Variants in POLE2 observed in about 807,000 individuals in gnomAD.
POLE2 encodes the protein DNA polymerase epsilon 2, accessory subunit.
POLE2 carries 56 observed loss-of-function variants against 79.4 expected under a neutral mutation model. That is an observed-to-expected ratio of 0.71 (90% CI 0.57 to 0.88). The LOEUF (loss-of-function observed/expected upper bound fraction) is 0.88, where lower values mean the gene tolerates loss of function less well. Ranked by LOEUF, POLE2 falls within the 40% of genes least tolerant of loss-of-function variation. The pLI is 0.00. For synonymous variants in POLE2, 212 were observed against 214.0 expected (o/e 0.99, Z 0.08); for missense variants, 598 against 638.9 (o/e 0.94, Z 0.69).
rs879834461 is a variant in POLE2 at position 49,655,564 on chromosome 14, G to GT, written c.928+106dup. 1,455 of 780,716 alleles carry GT rather than the reference G, an allele frequency of 1.9e-3. 7 individuals are homozygous for GT. Among genetic ancestry groups the GT allele is most frequent in the African/African-American group, 0.011 (606 of 54,342 alleles). 48.4% of individuals were successfully genotyped at this position (780,716 alleles called of 1,614,324 possible). ...TTTAAATTATCTCATTGCTAACTCTGTTTTTTTTTAAATAGAATACTCAAA... is the reference window on the plus strand; with the variant it reads ...TTTAAATTATCTCATTGCTAACTCTGTTTTTTTTTTAAATAGAATACTCAAA... On this transcript the variant is annotated intron_variant, in intron 11 of 18. Transcript: ENST00000216367.
At chr14:49,662,337 T>C (rs573840551) in intron 10 of POLE2, among the ~76,000 whole-genome samples, 1 of 152,354 alleles carries the variant, frequency 6.6e-6, no homozygotes, top group African/African-American at 2.4e-5. Context: ...CTCGCTCTGT[T>C]GCCAGGCTGG....
Position 49,687,010 on chromosome 14 carries a change from G to A in POLE2, c.68+1126C>T, listed in dbSNP as rs201798788. Among the ~76,000 whole-genome samples the A allele has an allele frequency of 1.4e-4, 22 of 152,166 alleles. 1 individual carries two copies. Among genetic ancestry groups the A allele is most frequent in the African/African-American group, 4.6e-4 (19 of 41,512 alleles). Reference sequence around the variant, plus strand: ...TAAAATATTGTGTTCTAGGTCAGGCGCAGTGGTTCACGCCTGTAATTCCAG... The same window carrying A: ...TAAAATATTGTGTTCTAGGTCAGGCACAGTGGTTCACGCCTGTAATTCCAG... On this transcript the variant is annotated intron_variant, in intron 1 of 18. Coordinates refer to ENST00000216367, the MANE Select transcript of POLE2 (RefSeq NM_002692.4).
chr14:49,667,664 C>T (rs1312006911), intron 6 of POLE2, among the ~76,000 whole-genome samples: 2 of 151,886 alleles, frequency 1.3e-5, no homozygotes, highest in African/African-American at 4.8e-5. Flanking sequence ...TCCACCTCAG[C>T]CCCCTGAGTC....
At position 49,655,013 on chromosome 14, in the gene POLE2, G is replaced by T; in HGVS notation, c.1010C>A (p.Ala337Asp). The T allele has an allele frequency of 6.4e-7, 1 of 1,565,104 alleles. No homozygotes were observed. Among genetic ancestry groups the T allele is most frequent in the Non-Finnish European group, 8.7e-7 (1 of 1,152,128 alleles). ...SAPYGKNQVQALKDSLKTLAD... is the reference protein window; with the variant it reads ...SAPYGKNQVQDLKDSLKTLAD... ...AAATAGATCGTTAATACCTTTCAAAGCTTGAACTTGATTTTTTCCATATGG... is the reference window on the plus strand; with the variant it reads ...AAATAGATCGTTAATACCTTTCAAATCTTGAACTTGATTTTTTCCATATGG... Residue 337 changes from alanine (A) to aspartate (D), a missense_variant, in exon 12 of 19, where the codon GCT (alanine) becomes GAT (aspartate). Ala to Asp is a moderately radical substitution (Grantham distance 126, BLOSUM62 -2). Coordinates refer to ENST00000216367, the MANE Select transcript of POLE2 (RefSeq NM_002692.4).
intron 6 of POLE2, 85 bp downstream of exon 6, chr14:49,669,439 T>C: frequency 1.3e-6 from 1 of 758,070 alleles, no homozygotes; most frequent in Non-Finnish European, 2.3e-6. Context: ...TTTATTTTCA[T>C]TTAAAATTCA....
chr14:49,673,001 TTC>T lies in POLE2; in HGVS notation c.417+1120_417+1121del, dbSNP rs1886007574. 2.0e-5 allele frequency among the ~76,000 whole-genome samples: 3 copies of T among 152,198 alleles called. No homozygotes were observed. The South Asian group carries it at 6.2e-4, about 32-fold the overall frequency. On this transcript the variant is annotated intron_variant, in intron 5 of 18. Coordinates refer to ENST00000216367, the MANE Select transcript of POLE2 (RefSeq NM_002692.4). Reference sequence around the variant, plus strand: ...GAACCTGCTATCACCTTCTACAACATTCTCTTTTTCCTGTTTAATGTATTTTT... The same window carrying T: ...GAACCTGCTATCACCTTCTACAACATTCTTTTTCCTGTTTAATGTATTTTT...
At chr14:49,663,010 T>C (rs1466556900) in intron 10 of POLE2, among the ~76,000 whole-genome samples, 2 of 152,216 alleles carry the variant, frequency 1.3e-5, no homozygotes, top group African/African-American at 4.8e-5. Flanking sequence ...TATATTCTTC[T>C]AAGTGTTATC....
intron 10 of POLE2, among the ~76,000 whole-genome samples, chr14:49,659,045 C>CTGA (rs1274879368): frequency 6.6e-6 from 1 of 152,102 alleles, no homozygotes; most frequent in African/African-American, 2.4e-5. Flanking sequence ...AACAGTGATA[C>CTGA]TGATGATTCT....
chr14:49,666,449 A>C, intron 6 of POLE2, 36 bp from the exon 7 acceptor site: 1 of 923,506 alleles, frequency 1.1e-6, no homozygotes, highest in Non-Finnish European at 1.6e-6. Flanking sequence ...AAGACTGTAA[A>C]TATATTCTTT....
At chr14:49,644,354 T>A (rs7141539) in intron 18 of POLE2, among the ~76,000 whole-genome samples, 1 of 150,592 alleles carries the variant, frequency 6.6e-6, no homozygotes, top group Non-Finnish European at 1.5e-5. Context: ...GTACTAAAAA[T>A]AAAAAATTAG....
At chr14:49,654,709 G>A in intron 13 of POLE2, 75 bp downstream of exon 13, 3 of 1,428,744 alleles carry the variant, frequency 2.1e-6, no homozygotes, top group Non-Finnish European at 2.8e-6. Flanking sequence ...AATAATTGCT[G>A]ATATAACAAA....
chr14:49,649,489 G>A (rs1455540979), intron 17 of POLE2, among the ~76,000 whole-genome samples: 2 of 148,658 alleles, frequency 1.3e-5, no homozygotes, highest in Non-Finnish European at 3.0e-5. Flanking sequence ...TCGCTCTGTC[G>A]CCCAGGCTGG....
chr14:49,655,945 G>T, intron 10 of POLE2, 102 bp from the exon 11 acceptor site: 1 of 626,478 alleles, frequency 1.6e-6, no homozygotes, highest in East Asian at 2.9e-5. Context: ...TTATTTTCCA[G>T]TGTAAAAAGG....
intron 17 of POLE2, among the ~76,000 whole-genome samples, chr14:49,648,846 T>C (rs999954707): frequency 6.6e-6 from 1 of 152,318 alleles, no homozygotes; most frequent in Non-Finnish European, 1.5e-5. Flanking sequence ...GCCCTTTCTA[T>C]GTTGCCCATG....
rs779000974 is a variant in POLE2, at chr14:49,650,291, T to C, written c.1471A>G (p.Asn491Asp). ...GGGTTTATGCAGAGGCATTCGGTAT[T>C]TGTCGTAGTGAAAGGATCATATTTG... is the stretch of plus-strand genomic sequence containing the variant. ...ADKYDPFTTT[N>D]TECLCINPGS... Residue 491 changes from asparagine to aspartate, a missense_variant, in exon 17 of 19, where the codon AAT becomes GAT. Transcript: ENST00000216367. The C allele has an allele frequency of 6.9e-6, 11 of 1,604,448 alleles. No individual in the cohort carries two copies. The highest frequency in any genetic ancestry group is 2.3e-5 in the East Asian group (1 of 44,348).
At chr14:49,644,648 ACTT>A (rs1286527332) in intron 18 of POLE2, among the ~76,000 whole-genome samples, 1 of 152,130 alleles carries the variant, frequency 6.6e-6, no homozygotes, top group Non-Finnish European at 1.5e-5. Context: ...CATTATATTT[ACTT>A]CTTTGAGGCT....
intron 5 of POLE2, among the ~76,000 whole-genome samples, chr14:49,669,954 G>A (rs987337532): frequency 6.6e-6 from 1 of 152,022 alleles, no homozygotes; most frequent in African/African-American, 2.4e-5. Context: ...CAGGCCAAAG[G>A]GGCCACTGAA....
intron 4 of POLE2, 48 bp downstream of exon 4, chr14:49,674,302 A>G: frequency 6.7e-7 from 1 of 1,496,722 alleles, no homozygotes; most frequent in African/African-American, 1.4e-5. Flanking sequence ...CTTCTGAAAA[A>G]AAAAGTACAT....
intron 1 of POLE2, among the ~76,000 whole-genome samples, chr14:49,687,152 A>G (rs1364260056): frequency 3.3e-5 from 5 of 151,794 alleles, no homozygotes; most frequent in Non-Finnish European, 7.4e-5. Flanking sequence ...TCAGCCAGGT[A>G]TGGTGGCCCA....
Sources: allele counts gnomAD v4.1 joint callset (sites outside exome capture counted in the v4.1 genomes callset), GRCh38; gene constraint gnomAD v4.1.1; transcripts MANE v1.5; gene names NCBI Gene and HGNC (gene_info 2026-07-23, HGNC 2026-07-21).